PTPRN2: variants seen among roughly 807,000 people sequenced by gnomAD.
PTPRN2 encodes the protein receptor-type tyrosine-protein phosphatase N2.
In PTPRN2, 74 loss-of-function variants were observed where a neutral mutation model predicts 118.8. The observed-to-expected ratio is 0.62, with a 90% CI of 0.52 to 0.76. PTPRN2 has a LOEUF of 0.76. Ranked by LOEUF, PTPRN2 falls within the 30% of genes least tolerant of loss-of-function variation. PTPRN2 has a pLI of 0.00. For missense variants in PTPRN2, 1,481 were observed against 1,394.4 expected (o/e 1.06, Z -0.99); for synonymous variants, 641 against 608.0 (o/e 1.05, Z -0.80).
chr7:157,700,472 C>T (rs149911702), intron 12 of PTPRN2, among the ~76,000 whole-genome samples: 1 of 152,310 alleles, frequency 6.6e-6, no homozygotes, highest in East Asian at 1.9e-4. Context: ...TGGGGTGAGG[C>T]TTGAGGCTTC....
At chr7:157,769,862 G>T (rs1469723683) in intron 12 of PTPRN2, among the ~76,000 whole-genome samples, 2 of 152,178 alleles carry the variant, frequency 1.3e-5, no homozygotes, top group African/African-American at 4.8e-5. Context: ...GCCCCTCCCT[G>T]CCACCCGCCC....
intron 12 of PTPRN2, among the ~76,000 whole-genome samples, chr7:157,882,487 G>A (rs368847985): frequency 5.4e-4 from 76 of 141,892 alleles, no homozygotes; most frequent in Admixed American, 7.7e-4. Flanking sequence ...AATGACTGTC[G>A]GAGATCAGAA....
intron 20 of PTPRN2, 127 bp from the exon 21 acceptor site, chr7:157,569,093 GA>G: frequency 3.3e-6 from 3 of 916,160 alleles, no homozygotes; most frequent in Non-Finnish European, 5.2e-6. Context: ...TGGCGGATGT[GA>G]GAGGGGGAGG....
chr7:158,079,752 G>A lies in PTPRN2; in HGVS notation c.1723+1546C>T, dbSNP rs533120121. ...GGAGGGAGGGAGCTCTGGCAGCCAC[G>A]AGGCACTGAAGCCGTTGTTGGGACC... On this transcript the variant is annotated intron_variant, in intron 11 of 22. Coordinates refer to ENST00000389418, the MANE Select transcript of PTPRN2 (RefSeq NM_002847.5). 9.2e-5 allele frequency among the ~76,000 whole-genome samples: 14 copies of A among 152,326 alleles called. No individual in the cohort carries two copies. The East Asian group carries it at 2.3e-3, about 25-fold the overall frequency.
intron 2 of PTPRN2, among the ~76,000 whole-genome samples, chr7:158,376,020 G>C (rs769582583): frequency 5.3e-5 from 8 of 152,168 alleles, no homozygotes; most frequent in Non-Finnish European, 1.2e-4. Flanking sequence ...GCACTGAGCT[G>C]GTTAATACTT....
intron 11 of PTPRN2, among the ~76,000 whole-genome samples, chr7:157,961,840 T>C (rs1054140067): frequency 2.0e-5 from 3 of 152,192 alleles, no homozygotes; most frequent in African/African-American, 7.2e-5. Context: ...GTCAGGTTTA[T>C]GGAGGATGAG....
chr7:157,592,876 A>G (rs1372966657), intron 17 of PTPRN2, among the ~76,000 whole-genome samples: 2 of 145,848 alleles, frequency 1.4e-5, no homozygotes, highest in Non-Finnish European at 3.0e-5. Context: ...GGATGTGGGC[A>G]TCATCGTGGT....
intron 2 of PTPRN2, among the ~76,000 whole-genome samples, chr7:158,336,676 TAAGAGCTGACGCCCGCAGAC>T (rs1805611288): frequency 1.5e-5 from 2 of 133,990 alleles, no homozygotes; most frequent in African/African-American, 2.9e-5. Flanking sequence ...ACTCTCACCA[TAAGAGCTGACGCCCGCAGAC>T]GTCACTCACA....
chr7:157,621,339 C>G lies in PTPRN2; in HGVS notation c.2344+23G>C, dbSNP rs201925458. The G allele has an allele frequency of 7.9e-5, 127 of 1,601,774 alleles. No individual in the cohort carries two copies. The African/African-American group carries it at 1.5e-3, about 19-fold the overall frequency. On this transcript the variant is annotated intron_variant, in intron 15 of 22. Transcript: ENST00000389418. ...TTCCACCGCCCGTAACCCAGGCTTC[C>G]TGCCCCCGGGGCTGGTACGTACAGG...
At chr7:157,547,614 G>A (rs933647779) in intron 22 of PTPRN2, among the ~76,000 whole-genome samples, 1 of 151,978 alleles carries the variant, frequency 6.6e-6, no homozygotes, top group African/African-American at 2.4e-5. Context: ...ACAAGCAGAA[G>A]GAAAGACAGA....
intron 2 of PTPRN2, among the ~76,000 whole-genome samples, chr7:158,369,272 C>CAT (rs569893575): frequency 2.8e-3 from 164 of 57,678 alleles, no homozygotes; most frequent in Non-Finnish European, 3.1e-3. Flanking sequence ...CACACATACA[C>CAT]ACACACACAC....
At chr7:157,952,626 G>C (rs895006699) in intron 11 of PTPRN2, among the ~76,000 whole-genome samples, 3 of 152,104 alleles carry the variant, frequency 2.0e-5, no homozygotes, top group African/African-American at 7.2e-5. Context: ...ACGCCATGGA[G>C]ACACAGGTGT....
Position 157,787,791 on chromosome 7 carries a change from G to A in PTPRN2, c.1789-104854C>T, listed in dbSNP as rs1804166258. On this transcript the variant is annotated intron_variant, in intron 12 of 22. Transcript: ENST00000389418. The surrounding 1 kb of genome is among the most constrained non-coding windows in gnomAD (Gnocchi z 5.3). ...GACTTCATTTGTGCTCATGGCTGGG[G>A]GAGGCACCTGGGGGCCCCGTCCAAG... Among the ~76,000 whole-genome samples, 1 of 152,108 alleles carries A rather than the reference G, an allele frequency of 6.6e-6. No individual in the cohort carries two copies. Among genetic ancestry groups the A allele is most frequent in the African/African-American group, 2.4e-5 (1 of 41,416 alleles).
At chr7:157,804,616 G>T (rs1386340564) in intron 12 of PTPRN2, among the ~76,000 whole-genome samples, 6 of 152,090 alleles carry the variant, frequency 3.9e-5, no homozygotes, top group African/African-American at 1.2e-4. Context: ...TGACACATAA[G>T]GTGAGGACCC....
chr7:158,548,821 C>T (rs1586921006), intron 1 of PTPRN2, among the ~76,000 whole-genome samples: 1 of 152,176 alleles, frequency 6.6e-6, no homozygotes, highest in Non-Finnish European at 1.5e-5. Flanking sequence ...CCAAAGCCAG[C>T]GCAGGAGGGG....
At chr7:157,941,209 C>A in intron 11 of PTPRN2, among the ~76,000 whole-genome samples, 1 of 77,734 alleles carries the variant, frequency 1.3e-5, no homozygotes, top group South Asian at 4.6e-4. Context: ...ACACTCTCCC[C>A]CATGACACTG....
chr7:158,192,887 C>T (rs1176508933), intron 4 of PTPRN2, among the ~76,000 whole-genome samples: 1 of 152,180 alleles, frequency 6.6e-6, no homozygotes, highest in Non-Finnish European at 1.5e-5. Flanking sequence ...GGGCCCAAGG[C>T]TTGGCATGGC....
At chr7:158,393,320 C>T (rs926967686) in intron 2 of PTPRN2, among the ~76,000 whole-genome samples, 1 of 152,226 alleles carries the variant, frequency 6.6e-6, no homozygotes, top group Non-Finnish European at 1.5e-5. Context: ...ACACGCTCTG[C>T]CACGAACACT....
At chr7:158,081,400 A>C (rs773329014) in intron 10 of PTPRN2, 23 bp from the exon 11 acceptor site, 4 of 1,609,270 alleles carry the variant, frequency 2.5e-6, no homozygotes, top group Non-Finnish European at 3.4e-6. Context: ...ATTTAAAATA[A>C]GTTCATAACG....
Sources: gnomAD v4.1 joint callset for allele counts (sites outside exome capture counted in the v4.1 genomes callset) on GRCh38, gnomAD v4.1.1 for gene constraint, Gnocchi (gnomAD v3.1) non-coding constraint, MANE v1.5 for transcripts, NCBI Gene and HGNC (gene_info 2026-07-23, HGNC 2026-07-21) for gene names.